The following EIF4G1 variants were observed in gnomAD, a reference collection of about 807,000 sequenced individuals.
The protein encoded by EIF4G1 is eukaryotic translation initiation factor 4 gamma 1.
Under a neutral mutation model 187.8 loss-of-function variants are expected in EIF4G1, and 4 were observed. The observed-to-expected ratio is 0.02, with a 90% CI of 0.01 to 0.05. The LOEUF (loss-of-function observed/expected upper bound fraction) is 0.05, where lower values mean the gene tolerates loss of function less well. Ranked by LOEUF, EIF4G1 falls within the 10% of genes least tolerant of loss-of-function variation. EIF4G1 has a pLI of 1.00. For synonymous variants in EIF4G1, 844 were observed against 781.4 expected (o/e 1.08, Z -1.34); for missense variants, 1,647 against 2,081.1 (o/e 0.79, Z 4.06).
rs372316682 is a variant in EIF4G1, at chr3:184,317,461, C to T, written c.288C>T (p.Tyr96=). 4.3e-6 allele frequency: 7 copies of T among 1,614,048 alleles called. No individual in the cohort carries two copies. The highest frequency in any genetic ancestry group is 5.9e-6 in the Non-Finnish European group (7 of 1,180,000). ...TGATGATCCCTTCCCAGATCTCCTA[C>T]CCAGCCTCCCAGGGGGCCTACTACA... ...QVMMIPSQIS[Y]PASQGAYYIP... The change falls in exon 5 of 33, where the codon TAC becomes TAT. Residue 96 remains tyrosine (Y), a synonymous_variant. Coordinates refer to ENST00000346169, the MANE Select transcript of EIF4G1 (RefSeq NM_198241.3).
chr3:184,335,291 G>GT lies in EIF4G1; in HGVS notation c.*385dup. The GT allele has an allele frequency of 3.9e-6, 1 of 253,446 alleles. No individual in the cohort carries two copies. Among genetic ancestry groups the GT allele is most frequent in the South Asian group, 5.0e-5 (1 of 19,996 alleles). The allele number at this position is 253,446 out of a possible 1,614,324, so 15.7% of individuals were successfully genotyped here. ...CCCCAGCCCCTGTACCACCCCTGCT[G>GT]TTGCCTGGGCAGGGGGAAGGGGGGG... On this transcript the variant is annotated 3_prime_UTR_variant, in exon 33 of 33. Transcript: ENST00000346169.
rs1046608514 is a variant in EIF4G1, at chr3:184,335,343, A to T, written c.*435A>T. 4.5e-6 allele frequency: 1 copy of T among 220,698 alleles called. No individual in the cohort carries two copies. Among genetic ancestry groups the T allele is most frequent in the Admixed American group, 5.2e-5 (1 of 19,208 alleles). 13.7% of individuals were successfully genotyped at this position (220,698 alleles called of 1,614,324 possible). ...ACGGTGCCTGTAATTATTAAACATG[A>T]ATTCAATTAAGCTCACTGCCTTTCT... On this transcript the variant is annotated 3_prime_UTR_variant, in exon 33 of 33. Transcript: ENST00000346169.
Position 184,322,714 on chromosome 3 carries a change from G to A in EIF4G1, c.1779G>A (p.Lys593=). Residue 593 remains lysine, a synonymous_variant, in exon 12 of 33, where the codon AAG becomes AAA. Coordinates refer to ENST00000346169, the MANE Select transcript of EIF4G1 (RefSeq NM_198241.3). The part of the protein sequence containing the change: ...NAENIQPGEQ[K]YEYKSDQWKP... ...AGAACATCCAGCCCGGGGAACAGAA[G>A]TATGAATATAAGTCAGGTATGCTGA... 9 of 1,614,230 alleles carry A rather than the reference G, an allele frequency of 5.6e-6. No homozygotes were observed. Among genetic ancestry groups the A allele is most frequent in the Non-Finnish European group, 7.6e-6 (9 of 1,180,044 alleles).
Position 184,332,077 on chromosome 3 carries a change from C to G in EIF4G1, c.4609C>G (p.Gln1537Glu), listed in dbSNP as rs1553850733. Residue 1537 changes from glutamine to glutamate, a missense_variant, in exon 32 of 33, where the codon CAG becomes GAG. By Grantham distance (29) the Gln-to-Glu change is conservative. Coordinates refer to ENST00000346169, the MANE Select transcript of EIF4G1 (RefSeq NM_198241.3). ...CCAGGCCCTTGTAGTGACCTTAGAA[C>G]AGCCTCCCAGTAAGAGCCAGGCCAT... ...ALQALVVTLE[Q>E]PPNLLRMFFD... 1 of 1,614,166 alleles carries G rather than the reference C, an allele frequency of 6.2e-7. No homozygotes were observed. Among genetic ancestry groups the G allele is most frequent in the Non-Finnish European group, 8.5e-7 (1 of 1,180,036 alleles).
rs1724253853 is a variant in EIF4G1 at position 184,323,375 on chromosome 3, T to C, written c.2089-33T>C. The C allele has an allele frequency of 5.0e-6, 8 of 1,613,932 alleles. No individual in the cohort carries two copies. The East Asian group carries it at 1.1e-4, about 22-fold the overall frequency. ...TCACATATTGTGCTGACTAGTTCCA[T>C]GTCCCCTCTTGTCTTCATCCCTTGC... On this transcript the variant is annotated intron_variant, in intron 14 of 32. Coordinates refer to ENST00000346169, the MANE Select transcript of EIF4G1 (RefSeq NM_198241.3). The surrounding 1 kb of genome is among the most constrained non-coding windows in gnomAD (Gnocchi z 6.9).
intron 6 of EIF4G1, 149 bp from the exon 7 acceptor site, chr3:184,319,540 A>G: frequency 1.5e-6 from 1 of 671,642 alleles, no homozygotes; most frequent in Non-Finnish European, 2.8e-6. Context: ...CAGACACCTA[A>G]TTCCCTGGGG....
At chr3:184,317,171 G>C in intron 4 of EIF4G1, 150 bp from the exon 5 acceptor site, 1 of 892,144 alleles carries the variant, frequency 1.1e-6, no homozygotes, top group Non-Finnish European at 1.9e-6. Flanking sequence ...AAGCCGCTTA[G>C]CCATTTGGTC....
At chr3:184,320,029 C>A (rs1348929418) in intron 7 of EIF4G1, among the ~76,000 whole-genome samples, 1 of 152,188 alleles carries the variant, frequency 6.6e-6, no homozygotes, top group Non-Finnish European at 1.5e-5. Flanking sequence ...CCTGCGAGAC[C>A]TGGGTGCTGG....
chr3:184,328,400 C>A (rs1044883065), intron 26 of EIF4G1: 12 of 641,708 alleles, frequency 1.9e-5, no homozygotes, highest in East Asian at 5.7e-5. Context: ...AAAAAAAAAA[C>A]CAAAAAACAG....
intron 4 of EIF4G1, 47 bp from the exon 5 acceptor site, chr3:184,317,274 C>T: frequency 6.2e-7 from 1 of 1,609,626 alleles, no homozygotes; most frequent in Non-Finnish European, 8.5e-7. Context: ...ATTTTTTGTC[C>T]ACTTCCTTCT....
At chr3:184,330,171 G>A (rs1189721734) in intron 28 of EIF4G1, among the ~76,000 whole-genome samples, 1 of 152,170 alleles carries the variant, frequency 6.6e-6, no homozygotes, top group African/African-American at 2.4e-5. Flanking sequence ...GAGGTCAGGA[G>A]TTGGAAACCA....
Position 184,322,045 on chromosome 3 carries a change from G to C in EIF4G1, c.1461G>C (p.Glu487Asp). ...GAGGAGAGGAACTGCTCCCCCCAGA[G>C]AGTACCCCTATTCCAGCCAACTTGT... ...EKGGEELLPP[E>D]STPIPANLSQ... Residue 487 changes from glutamate to aspartate, a missense_variant, in exon 10 of 33, where the codon GAG becomes GAC. Glu to Asp is a conservative substitution (Grantham distance 45, BLOSUM62 2). Coordinates refer to ENST00000346169, the MANE Select transcript of EIF4G1 (RefSeq NM_198241.3). 6.2e-7 allele frequency: 1 copy of C among 1,614,146 alleles called. No homozygotes were observed. Among genetic ancestry groups the C allele is most frequent in the Non-Finnish European group, 8.5e-7 (1 of 1,180,046 alleles).
rs139301573 is a variant in EIF4G1 at position 184,330,880 on chromosome 3, C to T, written c.4162-386C>T. On this transcript the variant is annotated intron_variant, in intron 28 of 32. Transcript: ENST00000346169. ...TCAGCCTCCCGAGTAGCTGGGATTACAGGCACCCACCACCACGCCTGGCTA... is the reference window on the plus strand; with the variant it reads ...TCAGCCTCCCGAGTAGCTGGGATTATAGGCACCCACCACCACGCCTGGCTA... Among the ~76,000 whole-genome samples the T allele has an allele frequency of 5.0e-3, 759 of 152,240 alleles. 9 individuals are homozygous for T. Among genetic ancestry groups the T allele is most frequent in the African/African-American group, 0.017 (720 of 41,536 alleles).
At position 184,323,057 on chromosome 3, in the gene EIF4G1, G is replaced by A. The variant is rs1577212770; in HGVS notation, c.1930-26G>A. The A allele has an allele frequency of 1.2e-6, 2 of 1,614,206 alleles. No individual in the cohort carries two copies. The highest frequency in any genetic ancestry group is 1.7e-6 in the Non-Finnish European group (2 of 1,180,048). On this transcript the variant is annotated intron_variant, in intron 13 of 32. Coordinates refer to ENST00000346169, the MANE Select transcript of EIF4G1 (RefSeq NM_198241.3). The surrounding 1 kb of genome is among the most constrained non-coding windows in gnomAD (Gnocchi z 6.9). Reference sequence around the variant, plus strand: ...TAGTCAACCGCTCTAGCCTGCTTCTGAGACCTTTTCCTGTCCTCTTTGCAG... The same window carrying A: ...TAGTCAACCGCTCTAGCCTGCTTCTAAGACCTTTTCCTGTCCTCTTTGCAG...
intron 25 of EIF4G1, 29 bp from the exon 26 acceptor site, chr3:184,327,801 C>T: frequency 2.5e-6 from 4 of 1,614,074 alleles, no homozygotes; most frequent in Non-Finnish European, 2.5e-6. Context: ...AGTGACTGGT[C>T]TCTTCCTGCT....
rs1356796839 is a variant in EIF4G1 at position 184,328,095 on chromosome 3, G to T, written c.3953+93G>T. On this transcript the variant is annotated intron_variant, in intron 26 of 32. Transcript: ENST00000346169. Reference sequence around the variant, plus strand: ...CTTGGAACCTTGCATAAGAGTGTAGGTTCCCTGGCCGGGTGTGGTGGCTTA... The same window carrying T: ...CTTGGAACCTTGCATAAGAGTGTAGTTTCCCTGGCCGGGTGTGGTGGCTTA... The T allele has an allele frequency of 4.1e-6, 6 of 1,479,842 alleles. No homozygotes were observed. The African/African-American group carries it at 5.5e-5, about 14-fold the overall frequency. The allele number at this position is 1,479,842 out of a possible 1,614,324, so 91.7% of individuals were successfully genotyped here.
Position 184,323,259 on chromosome 3 carries a change from A to G in EIF4G1, c.2088+18A>G. ...GTGGGCCGGTGAGTGGGGCTGGGTA[A>G]AGTGGCAGGTGGGCAAGGAGTGGGA... On this transcript the variant is annotated intron_variant, in intron 14 of 32. Transcript: ENST00000346169. The surrounding 1 kb of genome is among the most constrained non-coding windows in gnomAD (Gnocchi z 6.9). 1 of 1,613,950 alleles carries G rather than the reference A, an allele frequency of 6.2e-7. No homozygotes were observed. The highest frequency in any genetic ancestry group is 8.5e-7 in the Non-Finnish European group (1 of 1,179,864).
chr3:184,322,487 T>C (rs1452014995), intron 11 of EIF4G1, 37 bp downstream of exon 11: 2 of 1,613,658 alleles, frequency 1.2e-6, no homozygotes, highest in Non-Finnish European at 1.7e-6. Flanking sequence ...GAGGGCCAAG[T>C]TGAGGTATGG....
chr3:184,330,018 A>C (rs1360491968), intron 28 of EIF4G1, among the ~76,000 whole-genome samples: 2 of 152,226 alleles, frequency 1.3e-5, no homozygotes, highest in African/African-American at 4.8e-5. Flanking sequence ...ACAACAAATA[A>C]GCATATTGAA....
Sources: allele counts gnomAD v4.1 joint callset (sites outside exome capture counted in the v4.1 genomes callset), GRCh38; gene constraint gnomAD v4.1.1; non-coding constraint Gnocchi (gnomAD v3.1); transcripts MANE v1.5; gene names NCBI Gene and HGNC (gene_info 2026-07-23, HGNC 2026-07-21).